YIPF7: variants seen among roughly 807,000 people sequenced by gnomAD.
YIPF7 encodes the protein Yip1 domain family member 7.
YIPF7 carries 35 observed loss-of-function variants against 27.2 expected under a neutral mutation model. The ratio of observed to expected loss-of-function variants is 1.29; its 90% CI spans 0.98 to 1.70. The LOEUF (loss-of-function observed/expected upper bound fraction) is 1.70. YIPF7 is among the 40% of genes most tolerant of loss of function. The probability of loss-of-function intolerance (pLI) is 0.00; values close to 1 mark genes in which losing one functional copy is unlikely to be tolerated. For synonymous variants in YIPF7, 137 were observed against 110.4 expected (o/e 1.24, Z -1.51); for missense variants, 358 against 303.7 (o/e 1.18, Z -1.33).
At chr4:44,628,082 T>C (rs1712737542) in intron 4 of YIPF7, among the ~76,000 whole-genome samples, 2 of 152,198 alleles carry the variant, frequency 1.3e-5, no homozygotes, top group South Asian at 4.1e-4. Flanking sequence ...TTTCTGACTA[T>C]TTGATTAATT....
intron 3 of YIPF7, among the ~76,000 whole-genome samples, chr4:44,634,277 A>G (rs772049242): frequency 2.0e-5 from 3 of 152,238 alleles, no homozygotes; most frequent in Non-Finnish European, 4.4e-5. Context: ...TCATGCCCGT[A>G]ATCCCAGCAT....
chr4:44,659,983 G>A (rs892378611), intron 2 of YIPF7, among the ~76,000 whole-genome samples: 4 of 151,466 alleles, frequency 2.6e-5, no homozygotes, highest in Non-Finnish European at 4.4e-5. Flanking sequence ...GAGTGGTGGC[G>A]GCTGCCTGTA....
chr4:44,650,033 T>G lies in YIPF7; in HGVS notation c.68A>C (p.Gln23Pro). 1 of 1,591,156 alleles carries G rather than the reference T, an allele frequency of 6.3e-7. No individual in the cohort carries two copies. Among genetic ancestry groups the G allele is most frequent in the Non-Finnish European group, 8.6e-7 (1 of 1,167,324 alleles). ...ATAGGCATTAGAGTCATTACCACTC[T>G]GCTCCTGGTTATCAATAGTAAAATT... is the stretch of plus-strand genomic sequence containing the variant. ...QSNFTIDNQE[Q>P]SGNDSNAYGN... The change falls in exon 2 of 6, where the codon CAG becomes CCG. Residue 23 changes from glutamine to proline, a missense_variant. Transcript: ENST00000415895.
At chr4:44,627,018 G>A (rs984093014) in intron 4 of YIPF7, among the ~76,000 whole-genome samples, 3 of 151,590 alleles carry the variant, frequency 2.0e-5, no homozygotes, top group East Asian at 3.9e-4. Context: ...TCCTGAGCTC[G>A]TGATCCGCCC....
intron 2 of YIPF7, among the ~76,000 whole-genome samples, chr4:44,646,673 A>G (rs952348403): frequency 2.0e-5 from 3 of 152,162 alleles, no homozygotes; most frequent in Non-Finnish European, 4.4e-5. Flanking sequence ...TAAAATAAGA[A>G]AACTTGTTTT....
chr4:44,648,432 A>G (rs1713601697), intron 2 of YIPF7, among the ~76,000 whole-genome samples: 1 of 152,168 alleles, frequency 6.6e-6, no homozygotes, highest in African/African-American at 2.4e-5. Context: ...TGCCTAATTC[A>G]TATGGTGCTC....
intron 3 of YIPF7, among the ~76,000 whole-genome samples, chr4:44,631,927 A>C (rs1055991098): frequency 6.6e-6 from 1 of 152,182 alleles, no homozygotes; most frequent in Non-Finnish European, 1.5e-5. Flanking sequence ...ATGGTATTTA[A>C]TTCCAAATAC....
chr4:44,649,335 G>A (rs918254512), intron 2 of YIPF7, among the ~76,000 whole-genome samples: 1 of 152,098 alleles, frequency 6.6e-6, no homozygotes, highest in Non-Finnish European at 1.5e-5. Context: ...GGGGATTCAT[G>A]GAGAACTTGA....
chr4:44,651,374 C>G (rs1202178380), intron 1 of YIPF7, among the ~76,000 whole-genome samples, 180 bp downstream of exon 1: 1 of 152,124 alleles, frequency 6.6e-6, no homozygotes, highest in Non-Finnish European at 1.5e-5. Flanking sequence ...AATAGCATAA[C>G]TTTCTCAACA....
At chr4:44,641,590 T>A (rs147336332) in intron 2 of YIPF7, among the ~76,000 whole-genome samples, 3 of 152,318 alleles carry the variant, frequency 2.0e-5, no homozygotes, top group African/African-American at 4.8e-5. Context: ...TTCTTTATGA[T>A]AAAATATTTA....
At chr4:44,654,423 T>C (rs1213365621), upstream of YIPF7, among the ~76,000 whole-genome samples, 4 of 151,902 alleles carry the variant, frequency 2.6e-5, no homozygotes, top group Non-Finnish European at 5.9e-5. Context: ...TTTCTTTTCC[T>C]TCCTTCTCGT....
chr4:44,638,219 T>C (rs1713204768), intron 2 of YIPF7, among the ~76,000 whole-genome samples: 1 of 151,158 alleles, frequency 6.6e-6, no homozygotes, highest in South Asian at 2.1e-4. Context: ...ATTTTTTTTT[T>C]TTTTTTTTTG....
chr4:44,658,755 G>A (rs1713969944), intron 2 of YIPF7, among the ~76,000 whole-genome samples: 1 of 152,108 alleles, frequency 6.6e-6, no homozygotes, highest in Admixed American at 6.5e-5. Flanking sequence ...CATTTTACAT[G>A]GCAGCAGATA....
chr4:44,660,568 T>C (rs887087623), exon 2 of YIPF7: 1 of 152,202 alleles, frequency 6.6e-6, no homozygotes, highest in Non-Finnish European at 1.5e-5. Context: ...TCATCCCAGT[T>C]GAGGCCACAG....
rs190581514 is a variant in YIPF7, at chr4:44,637,925, G to C, written c.117-1840C>G. Reference sequence around the variant, plus strand: ...AGGTTGCTGCAAATGCCATTAACTCGTTCCTTTTTATGGCTGAATAGTATT... The same window carrying C: ...AGGTTGCTGCAAATGCCATTAACTCCTTCCTTTTTATGGCTGAATAGTATT... On this transcript the variant is annotated intron_variant, in intron 2 of 5. Coordinates refer to ENST00000415895, the MANE Select transcript of YIPF7 (RefSeq NM_182592.3). 5.3e-5 allele frequency among the ~76,000 whole-genome samples: 8 copies of C among 152,126 alleles called. No homozygotes were observed. The East Asian group carries it at 1.5e-3, about 29-fold the overall frequency.
intron 5 of YIPF7, among the ~76,000 whole-genome samples, chr4:44,624,134 C>T (rs1232956606): frequency 1.3e-5 from 2 of 149,254 alleles, no homozygotes; most frequent in East Asian, 2.0e-4. Context: ...GGTGCGATCT[C>T]GGCTCACTGC....
chr4:44,661,809 A>G (rs1292625896), intron 1 of YIPF7, among the ~76,000 whole-genome samples: 1 of 152,246 alleles, frequency 6.6e-6, no homozygotes, highest in East Asian at 1.9e-4. Context: ...AAAAAAGATT[A>G]ACAGGAATAT....
At chr4:44,661,290 T>C (rs1215261190) in intron 1 of YIPF7, among the ~76,000 whole-genome samples, 1 of 152,220 alleles carries the variant, frequency 6.6e-6, no homozygotes, top group East Asian at 1.9e-4. Context: ...TTAGCCGGGC[T>C]TCTAAATATC....
chr4:44,661,157 GA>G (rs1208651542), intron 1 of YIPF7, among the ~76,000 whole-genome samples: 1 of 152,140 alleles, frequency 6.6e-6, no homozygotes, highest in Non-Finnish European at 1.5e-5. Flanking sequence ...CTCCAAAGTA[GA>G]AAATGGCTTC....
Sources: allele counts gnomAD v4.1 joint callset (sites outside exome capture counted in the v4.1 genomes callset), GRCh38; gene constraint gnomAD v4.1.1; transcripts MANE v1.5; gene names NCBI Gene and HGNC (gene_info 2026-07-23, HGNC 2026-07-21).